SEMA6D: variants seen among roughly 807,000 people sequenced by gnomAD.
SEMA6D encodes semaphorin-6D.
In SEMA6D, 35 loss-of-function variants were observed where a neutral mutation model predicts 106.6. The observed-to-expected ratio is 0.33, with a 90% CI of 0.25 to 0.44. The LOEUF (loss-of-function observed/expected upper bound fraction) is 0.44. Ranked by LOEUF, SEMA6D falls within the 20% of genes least tolerant of loss-of-function variation. The pLI is 1.00. For missense variants in SEMA6D, 1,185 were observed against 1,345.9 expected (o/e 0.88, Z 1.87); for synonymous variants, 499 against 487.7 (o/e 1.02, Z -0.31).
intron 1 of SEMA6D, among the ~76,000 whole-genome samples, chr15:47,334,046 T>G (rs1378451662): frequency 6.6e-6 from 1 of 152,188 alleles, no homozygotes; most frequent in Non-Finnish European, 1.5e-5. Flanking sequence ...TTGGGTTAAA[T>G]CATGCACTTT....
chr15:47,196,490 A>G (rs1346609435), intron 1 of SEMA6D, among the ~76,000 whole-genome samples: 1 of 152,138 alleles, frequency 6.6e-6, no homozygotes, highest in Non-Finnish European at 1.5e-5. Context: ...CCCCTAAAAT[A>G]TGGGGAAATT....
At chr15:47,620,214 G>T (rs1397747141) in intron 4 of SEMA6D, among the ~76,000 whole-genome samples, 1 of 152,156 alleles carries the variant, frequency 6.6e-6, no homozygotes, top group African/African-American at 2.4e-5. Context: ...AGCACCTTCT[G>T]CATGCCCACC....
intron 1 of SEMA6D, among the ~76,000 whole-genome samples, chr15:47,721,718 C>T (rs1011140809): frequency 1.1e-4 from 17 of 152,232 alleles, no homozygotes; most frequent in East Asian, 1.9e-4. Flanking sequence ...TAACCAAGGG[C>T]GATCAAATCA....
chr15:47,486,390 G>C (rs1258919895), intron 3 of SEMA6D, among the ~76,000 whole-genome samples: 1 of 152,176 alleles, frequency 6.6e-6, no homozygotes, highest in Non-Finnish European at 1.5e-5. Context: ...AGCACTGTAG[G>C]CAAAGGTCTT....
chr15:47,368,080 G>A (rs1270621725), intron 1 of SEMA6D, among the ~76,000 whole-genome samples: 1 of 151,972 alleles, frequency 6.6e-6, no homozygotes, highest in Non-Finnish European at 1.5e-5. Flanking sequence ...CTTTCCAAAG[G>A]TGCACTCAGC....
chr15:47,716,053 GC>G (rs1450701189), upstream of SEMA6D, among the ~76,000 whole-genome samples: 1 of 152,172 alleles, frequency 6.6e-6, no homozygotes, highest in African/African-American at 2.4e-5. Flanking sequence ...TGATGTCAGA[GC>G]CCAGCACAAC....
At chr15:47,503,970 C>G (rs1202015429) in intron 3 of SEMA6D, among the ~76,000 whole-genome samples, 1 of 152,184 alleles carries the variant, frequency 6.6e-6, no homozygotes, top group Non-Finnish European at 1.5e-5. Flanking sequence ...GAAAGGACAG[C>G]TCCAGTCACC....
At chr15:47,370,556 T>A (rs866928158) in intron 1 of SEMA6D, among the ~76,000 whole-genome samples, 3 of 150,634 alleles carry the variant, frequency 2.0e-5, no homozygotes, top group Non-Finnish European at 3.0e-5. Flanking sequence ...ATAAAGAAGA[T>A]ATTATGGGCT....
chr15:47,570,019 C>T (rs1596336681), intron 3 of SEMA6D, among the ~76,000 whole-genome samples: 1 of 131,986 alleles, frequency 7.6e-6, no homozygotes. Context: ...CGAGATCGCA[C>T]CACTGCACTC....
chr15:47,762,625 C>T (rs556028090), intron 8 of SEMA6D, among the ~76,000 whole-genome samples: 109 of 152,278 alleles, frequency 7.2e-4, no homozygotes, highest in Non-Finnish European at 9.9e-4. Flanking sequence ...GCCATCTACC[C>T]ATCTTGGAAA....
chr15:47,687,066 C>CAAAAA (rs369941348), intron 4 of SEMA6D, among the ~76,000 whole-genome samples: 33 of 120,994 alleles, frequency 2.7e-4, no homozygotes, highest in African/African-American at 1.1e-3. Context: ...ACCCTGTATC[C>CAAAAA]AAAAAAAAAA....
intron 1 of SEMA6D, among the ~76,000 whole-genome samples, chr15:47,384,390 T>C (rs985156511): frequency 1.3e-5 from 2 of 152,230 alleles, no homozygotes; most frequent in Non-Finnish European, 2.9e-5. Flanking sequence ...GAAACATCTT[T>C]ATCTGCTTCC....
chr15:47,466,817 C>T (rs2042677285), intron 2 of SEMA6D, among the ~76,000 whole-genome samples: 1 of 151,202 alleles, frequency 6.6e-6, no homozygotes, highest in East Asian at 1.9e-4. Flanking sequence ...ACCTCCACCT[C>T]CCAGGTTCAA....
chr15:47,518,627 A>G (rs1238048597), intron 3 of SEMA6D, among the ~76,000 whole-genome samples: 1 of 152,214 alleles, frequency 6.6e-6, no homozygotes, highest in Non-Finnish European at 1.5e-5. Flanking sequence ...GAAAAGGTAT[A>G]GCAAAAGTAC....
In SEMA6D at chr15:47,278,498, G is replaced by A. The variant is rs924242597; in HGVS notation, c.-239+94080G>A. On this transcript the variant is annotated intron_variant, in intron 1 of 19. Transcript: ENST00000558014. ...TTGTAAATTTGTTTGAGTTATTTGT[G>A]GATTCTGGATATTAGCCCTTTGTCA... is the stretch of plus-strand genomic sequence containing the variant. 4.9e-3 allele frequency among the ~76,000 whole-genome samples: 748 copies of A among 152,046 alleles called. 21 individuals carry two copies. The East Asian group carries it at 0.08, about 16-fold the overall frequency.
chr15:47,766,756 T>A, intron 16 of SEMA6D, 79 bp downstream of exon 16: 3 of 1,004,682 alleles, frequency 3.0e-6, no homozygotes, highest in Non-Finnish European at 4.6e-6. Flanking sequence ...ACAATCAGTC[T>A]TTTTAATGAC....
chr15:47,368,186 C>G (rs2039131821), intron 1 of SEMA6D, among the ~76,000 whole-genome samples: 1 of 152,200 alleles, frequency 6.6e-6, no homozygotes, highest in Non-Finnish European at 1.5e-5. Flanking sequence ...GTGCCAGGCT[C>G]CCCAGCTTTG....
intron 1 of SEMA6D, among the ~76,000 whole-genome samples, chr15:47,335,682 G>A (rs1245344671): frequency 6.6e-6 from 1 of 152,086 alleles, no homozygotes; most frequent in Admixed American, 6.6e-5. Context: ...CCTGATTTGT[G>A]GTCTCAACTT....
At chr15:47,297,749 G>A (rs752611205) in intron 1 of SEMA6D, among the ~76,000 whole-genome samples, 156 of 152,164 alleles carry the variant, frequency 1.0e-3, no homozygotes, top group Non-Finnish European at 1.6e-3. Context: ...GTTACTAAGA[G>A]TGTTAGCTAA....
Sources: allele counts gnomAD v4.1 joint callset (sites outside exome capture counted in the v4.1 genomes callset), GRCh38; gene constraint gnomAD v4.1.1; transcripts MANE v1.5; gene names NCBI Gene and HGNC (gene_info 2026-07-23, HGNC 2026-07-21).